Variants in NCBP2L observed in about 807,000 individuals in gnomAD.
NCBP2L encodes the protein nuclear cap binding protein subunit 2 like, also known as nuclear cap-binding protein subunit 2-like.
For missense variants in NCBP2L, 95 were observed against 53.1 expected (o/e 1.79, Z -2.45); for synonymous variants, 39 against 19.2 (o/e 2.04, Z -2.70).
intron 1 of NCBP2L, among the ~76,000 whole-genome samples, chrX:107,782,651 A>G (rs1481856799): frequency 3.9e-5 from 4 of 103,290 alleles, no homozygotes; most frequent in African/African-American, 1.4e-4. Context: ...ACCACCATCT[A>G]CTCTCTGCTT....
Position 107,781,350 on chromosome X carries a change from G to A in NCBP2L, c.-73+3492G>A, listed in dbSNP as rs188546699. ...TCCTCCCAACTCAGCCTTCTGAGTA[G>A]CTGGGACTACAGGCGTGCAATCTCT... is the stretch of plus-strand genomic sequence containing the variant. On this transcript the variant is annotated intron_variant, in intron 1 of 1. Coordinates refer to ENST00000509000, the MANE Select transcript of NCBP2L (RefSeq NM_001348372.2). Among the ~76,000 whole-genome samples, 97 of 108,878 alleles carry A rather than the reference G, an allele frequency of 8.9e-4. 2 individuals carry two copies. The East Asian group carries it at 0.024, about 27-fold the overall frequency. 94.5% of individuals were successfully genotyped at this position (108,878 alleles called of 115,157 possible).
At chrX:107,783,879 T>C (rs1930361983) in intron 1 of NCBP2L, among the ~76,000 whole-genome samples, 2 of 107,208 alleles carry the variant, frequency 1.9e-5, no homozygotes, top group Admixed American at 2.0e-4. Flanking sequence ...TGTGTGTGTG[T>C]GTGTGTGTGT....
At chrX:107,782,252 T>TATATATATATAA (rs1930316778) in intron 1 of NCBP2L, among the ~76,000 whole-genome samples, 1 of 20,088 alleles carries the variant, frequency 5.0e-5, no homozygotes, top group Non-Finnish European at 7.1e-5. Context: ...TATATATAAA[T>TATATATATATAA]ATATATATAA....
chrX:107,783,858 A>ATGTGTGTGTGTGTG (rs756413239), intron 1 of NCBP2L, among the ~76,000 whole-genome samples: 3,005 of 96,915 alleles, frequency 0.031, 59 homozygotes, highest in Middle Eastern at 0.13. Context: ...TGGTGTGCGT[A>ATGTGTGTGTGTGTG]TGTGTGTGTG....
intron 1 of NCBP2L, among the ~76,000 whole-genome samples, chrX:107,783,412 G>A (rs1294317730): frequency 2.2e-5 from 2 of 92,826 alleles, no homozygotes; most frequent in Non-Finnish European, 4.1e-5. Flanking sequence ...TCACTCTGTC[G>A]CCCAGGCTGG....
intron 1 of NCBP2L, among the ~76,000 whole-genome samples, chrX:107,781,012 G>A (rs1409451192): frequency 9.1e-6 from 1 of 110,146 alleles, no homozygotes; most frequent in South Asian, 3.9e-4. Flanking sequence ...CTACAGTCTC[G>A]ACCTCCTGGG....
At chrX:107,786,147 T>C (rs1195612244) in intron 1 of NCBP2L, among the ~76,000 whole-genome samples, 1 of 111,144 alleles carries the variant, frequency 9.0e-6, no homozygotes, top group Non-Finnish European at 1.9e-5. Context: ...CAGCCACCTC[T>C]GGAATTCTGG....
intron 1 of NCBP2L, among the ~76,000 whole-genome samples, chrX:107,778,600 G>A (rs1488398146): frequency 8.9e-6 from 1 of 112,587 alleles, no homozygotes; most frequent in African/African-American, 3.2e-5. Context: ...GTGAAGCCTT[G>A]CTTTGCTGAC....
intron 1 of NCBP2L, among the ~76,000 whole-genome samples, chrX:107,780,620 G>A (rs1209262931): frequency 9.7e-6 from 1 of 102,734 alleles, no homozygotes; most frequent in Non-Finnish European, 1.9e-5. Context: ...GAATCACCTG[G>A]GAAGTTCACT....
rs7889231 is a variant in NCBP2L, at chrX:107,782,368, A to T, written c.-73+4510A>T. Among the ~76,000 whole-genome samples, 95 of 33,684 alleles carry T rather than the reference A, an allele frequency of 2.8e-3. 8 individuals are homozygous for T. In the African/African-American group the frequency reaches 0.035, roughly 13 times the overall value. 29.3% of individuals were successfully genotyped at this position (33,684 alleles called of 115,157 possible). Reference sequence around the variant, plus strand: ...ATATATATAAATATATATATATATAAATATATATATATATATACCCACACA... The same window carrying T: ...ATATATATAAATATATATATATATATATATATATATATATATACCCACACA... On this transcript the variant is annotated intron_variant, in intron 1 of 1. Coordinates refer to ENST00000509000, the MANE Select transcript of NCBP2L (RefSeq NM_001348372.2).
rs1243410671 is a variant in NCBP2L, at chrX:107,795,775, C to A, written c.*1093C>A. 9.0e-6 allele frequency: 1 copy of A among 111,594 alleles called. No homozygotes were observed. Among genetic ancestry groups the A allele is most frequent in the African/African-American group, 3.3e-5 (1 of 30,685 alleles). The allele number at this position is 111,594 out of a possible 1,213,427, so 9.2% of individuals were successfully genotyped here. On this transcript the variant is annotated 3_prime_UTR_variant, in exon 2 of 2. Coordinates refer to ENST00000509000, the MANE Select transcript of NCBP2L (RefSeq NM_001348372.2). ...ACTTACTTTCTTTACTGTTACATAG[C>A]ATAACTTAGGTTATACTGCAGTAAT... is the stretch of plus-strand genomic sequence containing the variant.
chrX:107,792,462 G>A (rs894473128), intron 1 of NCBP2L, among the ~76,000 whole-genome samples: 1 of 111,758 alleles, frequency 8.9e-6, no homozygotes, highest in African/African-American at 3.3e-5. Flanking sequence ...TTGACAGGCT[G>A]TCAGGAAGAT....
intron 1 of NCBP2L, among the ~76,000 whole-genome samples, chrX:107,785,478 T>C (rs963185413): frequency 9.0e-6 from 1 of 111,683 alleles, no homozygotes; most frequent in Non-Finnish European, 1.9e-5. Context: ...TCCTAGATGG[T>C]GGGTATCAGA....
intron 1 of NCBP2L, among the ~76,000 whole-genome samples, chrX:107,785,392 C>T (rs1312857894): frequency 8.9e-6 from 1 of 111,770 alleles, no homozygotes; most frequent in Non-Finnish European, 1.9e-5. Flanking sequence ...TTAACAGTCC[C>T]TTTTCCCCTA....
chrX:107,781,692 C>CTCTCTCTCTCTATATATATATA lies in NCBP2L; in HGVS notation c.-73+3835_-73+3836insCTCTCTCTCTATATATATATAT, dbSNP rs1395038482. On this transcript the variant is annotated intron_variant, in intron 1 of 1. Coordinates refer to ENST00000509000, the MANE Select transcript of NCBP2L (RefSeq NM_001348372.2). ...TATCTATCTATCTCTCTCTCTCTCT[C>CTCTCTCTCTCTATATATATATA]TATATATATATATATATAGATCTAT... 1.4e-3 allele frequency among the ~76,000 whole-genome samples: 91 copies of CTCTCTCTCTCTATATATATATA among 66,895 alleles called. 1 individual carries two copies. Among genetic ancestry groups the CTCTCTCTCTCTATATATATATA allele is most frequent in the Non-Finnish European group, 1.8e-3 (73 of 39,773 alleles). The allele number at this position is 66,895 out of a possible 115,157, so 58.1% of individuals were successfully genotyped here. A position where few individuals can be genotyped will look rare whatever the true frequency, so the allele number is the denominator to read the frequency against.
At position 107,794,173 on chromosome X, in the gene NCBP2L, G is replaced by A. The variant is rs1930486609; in HGVS notation, c.-48G>A. 4 of 493,322 alleles carry A rather than the reference G, an allele frequency of 8.1e-6. No individual in the cohort carries two copies. Among genetic ancestry groups the A allele is most frequent in the Non-Finnish European group, 1.5e-5 (4 of 274,138 alleles). The allele number at this position is 493,322 out of a possible 1,213,427, so 40.7% of individuals were successfully genotyped here. A position where few individuals can be genotyped will look rare whatever the true frequency, so the allele number is the denominator to read the frequency against. Reference sequence around the variant, plus strand: ...GGTTTTCAGTGGTGGTGTCACTGCTGCCAAGCTGGACCGAAAACGGCCATC... The same window carrying A: ...GGTTTTCAGTGGTGGTGTCACTGCTACCAAGCTGGACCGAAAACGGCCATC... On this transcript the variant is annotated 5_prime_UTR_variant, in exon 2 of 2. Transcript: ENST00000509000.
chrX:107,783,453 G>A (rs34336084), intron 1 of NCBP2L, among the ~76,000 whole-genome samples: 28,810 of 103,594 alleles, frequency 0.28, 5,997 homozygotes, highest in African/African-American at 0.7. Context: ...GCTCACTGCA[G>A]CTTCTGCCTC....
In NCBP2L at chrX:107,782,925, G is replaced by A. The variant is rs145649501; in HGVS notation, c.-73+5067G>A. 4.8e-3 allele frequency among the ~76,000 whole-genome samples: 507 copies of A among 104,806 alleles called. 14 individuals carry two copies. In the East Asian group the frequency reaches 0.074, roughly 15 times the overall value. 91.0% of individuals were successfully genotyped at this position (104,806 alleles called of 115,157 possible). On this transcript the variant is annotated intron_variant, in intron 1 of 1. Coordinates refer to ENST00000509000, the MANE Select transcript of NCBP2L (RefSeq NM_001348372.2). ...CATATACACATACATATACACATAT[G>A]CACACACATACATGTGTGTATATAT...
At position 107,794,459 on chromosome X, in the gene NCBP2L, G is replaced by GT; in HGVS notation, c.244dup (p.Cys82LeufsTer7). On this transcript the variant is annotated frameshift_variant, in exon 2 of 2. Transcript: ENST00000509000. LOFTEE classifies it low-confidence loss of function (END_TRUNC). ...GATAAAATAAAGAAAACAGCATGTG[G>GT]TTTTTGCTTTGTAGAATGCCATAAC... is the stretch of plus-strand genomic sequence containing the variant. The GT allele has an allele frequency of 1.8e-6, 1 of 570,464 alleles. No individual in the cohort carries two copies. Among genetic ancestry groups the GT allele is most frequent in the East Asian group, 3.2e-5 (1 of 30,844 alleles). 47.0% of individuals were successfully genotyped at this position (570,464 alleles called of 1,213,427 possible).
Sources: gnomAD v4.1 joint callset for allele counts (sites outside exome capture counted in the v4.1 genomes callset) on GRCh38, gnomAD v4.1.1 for gene constraint, MANE v1.5 for transcripts, NCBI Gene and HGNC (gene_info 2026-07-23, HGNC 2026-07-21) for gene names.